The following CCDC102A variants were observed in gnomAD, a reference collection of about 807,000 sequenced individuals.
The protein encoded by CCDC102A is coiled-coil domain containing 102A.
Under a neutral mutation model 55.5 loss-of-function variants are expected in CCDC102A, and 40 were observed. The ratio of observed to expected loss-of-function variants is 0.72; its 90% confidence interval spans 0.56 to 0.94. The LOEUF is 0.94. CCDC102A is among the 40% of genes least tolerant of loss of function. The pLI is 0.00. For synonymous variants in CCDC102A, 323 were observed against 339.0 expected (o/e 0.95, Z 0.52); for missense variants, 779 against 768.6 (o/e 1.01, Z -0.16).
At chr16:57,520,511 C>A (rs1255971689) in intron 4 of CCDC102A, among the ~76,000 whole-genome samples, 2 of 144,276 alleles carry the variant, frequency 1.4e-5, no homozygotes, top group Non-Finnish European at 3.0e-5. Flanking sequence ...CCTTGCCTGC[C>A]CAGCACTCAG....
chr16:57,524,091 CT>C (rs2032094258), intron 3 of CCDC102A, among the ~76,000 whole-genome samples: 1 of 152,252 alleles, frequency 6.6e-6, no homozygotes, highest in Admixed American at 6.5e-5. Flanking sequence ...AGAGAACCCT[CT>C]CTTCGGGTCA....
chr16:57,535,932 C>T (rs952884187), intron 1 of CCDC102A, among the ~76,000 whole-genome samples: 1 of 152,180 alleles, frequency 6.6e-6, no homozygotes, highest in South Asian at 2.1e-4. Flanking sequence ...GAAGCCCCAG[C>T]CCTGCGTCGC....
chr16:57,533,659 G>A (rs112330142), intron 1 of CCDC102A, among the ~76,000 whole-genome samples: 3 of 140,544 alleles, frequency 2.1e-5, no homozygotes, highest in Non-Finnish European at 4.6e-5. Flanking sequence ...CACATGGCCC[G>A]AGGGACCTGC....
At position 57,528,921 on chromosome 16, in the gene CCDC102A, C is replaced by G; in HGVS notation, c.257G>C (p.Arg86Pro). 1.4e-6 allele frequency: 2 copies of G among 1,400,236 alleles called. No individual in the cohort carries two copies. Among genetic ancestry groups the G allele is most frequent in the Non-Finnish European group, 1.9e-6 (2 of 1,067,248 alleles). 86.7% of individuals were successfully genotyped at this position (1,400,236 alleles called of 1,614,324 possible). ...RLRELEEARA[R>P]AAQMEKTMRR... ...CATGGTCTTCTCCATCTGCGCCGCC[C>G]GCGCCCGCGCCTCCTCCAGCTCCCG... Residue 86 changes from arginine (R) to proline (P), a missense_variant, in exon 2 of 9, where the codon CGG becomes CCG. Physicochemically the swap from Arg to Pro is moderately radical, Grantham distance 103 (BLOSUM62 -2). Coordinates refer to ENST00000258214, the MANE Select transcript of CCDC102A (RefSeq NM_033212.4).
rs898115337 is a variant in CCDC102A, at chr16:57,518,008, C to T, written c.1248+60G>A. The T allele has an allele frequency of 4.7e-5, 71 of 1,507,106 alleles. No individual in the cohort carries two copies. In the African/African-American group the frequency reaches 6.8e-4, roughly 14 times the overall value. 93.4% of individuals were successfully genotyped at this position (1,507,106 alleles called of 1,614,324 possible). On this transcript the variant is annotated intron_variant, in intron 6 of 8. Transcript: ENST00000258214. ...GGCCTGACACATAGTAGGGAAGCTGCGCTCTGGCTGGATGGGGAGGTGGCA... is the reference window on the plus strand; with the variant it reads ...GGCCTGACACATAGTAGGGAAGCTGTGCTCTGGCTGGATGGGGAGGTGGCA...
In CCDC102A at chr16:57,518,141, C is replaced by T. The variant is rs755928789; in HGVS notation, c.1175G>A (p.Arg392Gln). The T allele has an allele frequency of 1.4e-5, 23 of 1,610,738 alleles. No individual in the cohort carries two copies. Among genetic ancestry groups the T allele is most frequent in the South Asian group, 1.2e-4 (11 of 91,068 alleles). The change falls in exon 6 of 9, where the codon CGG becomes CAG. Residue 392 changes from arginine to glutamine, a missense_variant. Transcript: ENST00000258214. ...CAGTGCGCTGGCTGTTTGCCGCCGC[C>T]GCCGGGCCAGCGCCTCCTCCAGGTC... is the stretch of plus-strand genomic sequence containing the variant. ...VGDLEEALARRRRQTASALDC... is the reference protein window; with the variant it reads ...VGDLEEALARQRRQTASALDC...
In CCDC102A at chr16:57,529,204, G is replaced by C; in HGVS notation, c.-27C>G. ...GTGCGGCCGGGCGGGCCCTGAGCTCGAACTCGCGGTCGGGCTCAGGGGCGG... is the reference window on the plus strand; with the variant it reads ...GTGCGGCCGGGCGGGCCCTGAGCTCCAACTCGCGGTCGGGCTCAGGGGCGG... On this transcript the variant is annotated 5_prime_UTR_variant, in exon 2 of 9. Coordinates refer to ENST00000258214, the MANE Select transcript of CCDC102A (RefSeq NM_033212.4). The surrounding 1 kb of genome is among the most constrained non-coding windows in gnomAD (Gnocchi z 4.1). 8.6e-7 allele frequency: 1 copy of C among 1,164,162 alleles called. No homozygotes were observed. Among genetic ancestry groups the C allele is most frequent in the African/African-American group, 1.6e-5 (1 of 61,184 alleles). 72.1% of individuals were successfully genotyped at this position (1,164,162 alleles called of 1,614,324 possible).
At chr16:57,515,304 G>T in intron 8 of CCDC102A, 37 bp downstream of exon 8, 1 of 1,302,030 alleles carries the variant, frequency 7.7e-7, no homozygotes, top group Non-Finnish European at 1.1e-6. Context: ...CTGGCTGGAA[G>T]TCTCTGCCCT....
intron 1 of CCDC102A, 60 bp downstream of exon 1, chr16:57,536,440 C>T (rs2032391387): frequency 1.3e-5 from 2 of 152,522 alleles, no homozygotes; most frequent in East Asian, 1.9e-4. Flanking sequence ...GGCGCGCGGC[C>T]TGGAGCAAGT....
Position 57,526,145 on chromosome 16 carries a change from G to T in CCDC102A, c.586-18C>A. 6.6e-7 allele frequency: 1 copy of T among 1,516,764 alleles called. No individual in the cohort carries two copies. 94.0% of individuals were successfully genotyped at this position (1,516,764 alleles called of 1,614,324 possible). A position where few individuals can be genotyped will look rare whatever the true frequency, so the allele number is the denominator to read the frequency against. On this transcript the variant is annotated intron_variant, in intron 2 of 8. Coordinates refer to ENST00000258214, the MANE Select transcript of CCDC102A (RefSeq NM_033212.4). ...TCCAGTTCCTGCGGGGACCAAGGTG[G>T]AGGCTGGACCAGTGGCCGCCAAGCC...
At chr16:57,535,186 G>A (rs1210707884) in intron 1 of CCDC102A, among the ~76,000 whole-genome samples, 2 of 152,208 alleles carry the variant, frequency 1.3e-5, no homozygotes, top group African/African-American at 4.8e-5. Flanking sequence ...CAGACTGCGG[G>A]CACCTGTCCC....
Position 57,526,065 on chromosome 16 carries a change from C to T in CCDC102A, c.648G>A (p.Glu216=). 1 of 1,588,518 alleles carries T rather than the reference C, an allele frequency of 6.3e-7. No homozygotes were observed. Among genetic ancestry groups the T allele is most frequent in the Non-Finnish European group, 8.5e-7 (1 of 1,171,334 alleles). The change falls in exon 3 of 9, where the codon GAG becomes GAA. Residue 216 remains glutamate (E), a synonymous_variant. Transcript: ENST00000258214. ...SMPEESEDCW[E]ARSLGAGGPR... is the part of the protein sequence containing the mutation. ...GGCCCCCAGCCCCCAGGCTGCGCGC[C>T]TCCCAGCAGTCCTCAGACTCCTCTG...
intron 3 of CCDC102A, among the ~76,000 whole-genome samples, chr16:57,521,656 C>T (rs537914939): frequency 6.6e-6 from 1 of 152,344 alleles, no homozygotes; most frequent in African/African-American, 2.4e-5. Flanking sequence ...AAAACACTGT[C>T]CAGTGACCCG....
In CCDC102A at chr16:57,529,283, C is replaced by T. The variant is rs2032208145; in HGVS notation, c.-106G>A. The T allele has an allele frequency of 8.9e-7, 1 of 1,117,732 alleles. No individual in the cohort carries two copies. The allele number at this position is 1,117,732 out of a possible 1,614,324, so 69.2% of individuals were successfully genotyped here. ...AACTGTGCATGATGACGCCGTGCCC[C>T]GCTTCCCTCTGGGCCACCGGGCGGA... On this transcript the variant is annotated 5_prime_UTR_variant, in exon 2 of 9. Transcript: ENST00000258214. The surrounding 1 kb of genome is among the most constrained non-coding windows in gnomAD (Gnocchi z 4.1).
chr16:57,527,582 A>T (rs1206604255), intron 2 of CCDC102A, among the ~76,000 whole-genome samples: 1 of 151,792 alleles, frequency 6.6e-6, no homozygotes, highest in East Asian at 1.9e-4. Context: ...AGCATGCCCG[A>T]CTAATTTTTG....
At chr16:57,519,134 C>A (rs2032006554) in intron 4 of CCDC102A, among the ~76,000 whole-genome samples, 1 of 152,204 alleles carries the variant, frequency 6.6e-6, no homozygotes, top group Admixed American at 6.5e-5. Context: ...CGATTGGACA[C>A]CTACCCGCCG....
intron 4 of CCDC102A, among the ~76,000 whole-genome samples, chr16:57,519,279 T>C (rs2032008595): frequency 6.6e-6 from 1 of 152,244 alleles, no homozygotes; most frequent in Admixed American, 6.5e-5. Context: ...TGATTTTTCT[T>C]ATTCTCAGGC....
intron 6 of CCDC102A, among the ~76,000 whole-genome samples, chr16:57,517,504 C>T (rs531956664): frequency 1.3e-5 from 2 of 152,146 alleles, no homozygotes; most frequent in East Asian, 3.9e-4. Flanking sequence ...CCACAATGCT[C>T]GGCTAATTTT....
At chr16:57,518,005 C>A in intron 6 of CCDC102A, 63 bp downstream of exon 6, 1 of 1,502,146 alleles carries the variant, frequency 6.7e-7, no homozygotes, top group African/African-American at 1.4e-5. Flanking sequence ...AGTAGGGAAG[C>A]TGCGCTCTGG....
Sources: gnomAD v4.1 joint callset for allele counts (sites outside exome capture counted in the v4.1 genomes callset) on GRCh38, gnomAD v4.1.1 for gene constraint, Gnocchi (gnomAD v3.1) non-coding constraint, MANE v1.5 for transcripts, NCBI Gene and HGNC (gene_info 2026-07-23, HGNC 2026-07-21) for gene names.